RPTOR: variants seen among roughly 807,000 people sequenced by gnomAD.
RPTOR encodes the protein regulatory associated protein of MTOR complex 1, also known as regulatory-associated protein of mTOR.
RPTOR carries 21 observed loss-of-function variants against 169.9 expected under a neutral mutation model. The observed-to-expected ratio is 0.12, with a 90% CI of 0.09 to 0.18. The LOEUF is 0.18. Ranked by LOEUF, RPTOR falls within the 10% of genes least tolerant of loss-of-function variation. The probability of loss-of-function intolerance (pLI) is 1.00; values close to 1 mark genes in which losing one functional copy is unlikely to be tolerated. For synonymous variants in RPTOR, 732 were observed against 753.2 expected (o/e 0.97, Z 0.46); for missense variants, 1,133 against 1,855.9 (o/e 0.61, Z 7.16).
At chr17:80,794,031 A>C (rs1009406721) in intron 7 of RPTOR, among the ~76,000 whole-genome samples, 2 of 152,236 alleles carry the variant, frequency 1.3e-5, no homozygotes, top group Non-Finnish European at 2.9e-5. Context: ...TCCAAAACTT[A>C]AAATGTGCAC....
At position 80,947,354 on chromosome 17, in the gene RPTOR, G is replaced by C; in HGVS notation, c.3265+3G>C. 1 of 1,559,292 alleles carries C rather than the reference G, an allele frequency of 6.4e-7. No individual in the cohort carries two copies. Among genetic ancestry groups the C allele is most frequent in the Non-Finnish European group, 8.7e-7 (1 of 1,155,024 alleles). On this transcript the variant is annotated splice_donor_region_variant and intron_variant, in intron 27 of 33. Coordinates refer to ENST00000306801, the MANE Select transcript of RPTOR (RefSeq NM_020761.3). This position sits in a 1 kb window ranked among gnomAD's most constrained non-coding sequence, Gnocchi z 4.4. ...CTCGCTTCTGCTGACGGCCACAGGT[G>C]AGCGGGGTTTGCACAGCCAGGATTG...
chr17:80,933,913 GT>G (rs751580106), intron 24 of RPTOR, among the ~76,000 whole-genome samples: 15 of 152,216 alleles, frequency 9.9e-5, no homozygotes, highest in Non-Finnish European at 1.9e-4. Context: ...AACCTGAATA[GT>G]TCCTGTCTAT....
At chr17:80,854,634 C>A (rs1358341309) in intron 11 of RPTOR, among the ~76,000 whole-genome samples, 1 of 152,258 alleles carries the variant, frequency 6.6e-6, no homozygotes, top group Non-Finnish European at 1.5e-5. Flanking sequence ...TGGCCCACGC[C>A]TGTAATCCCT....
intron 28 of RPTOR, among the ~76,000 whole-genome samples, chr17:80,950,878 A>G (rs951452491): frequency 1.3e-5 from 2 of 152,196 alleles, no homozygotes; most frequent in African/African-American, 4.8e-5. Flanking sequence ...GCTCAGAGGC[A>G]GTGGTGCCAT....
intron 6 of RPTOR, among the ~76,000 whole-genome samples, chr17:80,766,746 G>A (rs537438992): frequency 5.3e-5 from 8 of 152,058 alleles, no homozygotes; most frequent in Admixed American, 2.0e-4. Flanking sequence ...TTCATGTACC[G>A]GCAATAATTG....
chr17:80,853,221 C>T (rs573117419), intron 11 of RPTOR, among the ~76,000 whole-genome samples: 2 of 152,152 alleles, frequency 1.3e-5, no homozygotes, highest in Admixed American at 6.5e-5. Context: ...TTTCCCTATC[C>T]GGCCCCTCCC....
chr17:80,798,003 C>G (rs1442890405), intron 7 of RPTOR, among the ~76,000 whole-genome samples: 1 of 152,198 alleles, frequency 6.6e-6, no homozygotes. Context: ...TCCAGGCAGC[C>G]AAGACTGAGT....
intron 7 of RPTOR, among the ~76,000 whole-genome samples, chr17:80,800,055 C>A (rs973963576): frequency 1.3e-5 from 2 of 152,182 alleles, no homozygotes; most frequent in Non-Finnish European, 2.9e-5. Context: ...GCAGGTGGCC[C>A]CCTGGCCGAG....
intron 1 of RPTOR, among the ~76,000 whole-genome samples, chr17:80,618,778 A>G (rs1293128988): frequency 1.3e-5 from 2 of 152,258 alleles, no homozygotes; most frequent in African/African-American, 4.8e-5. Context: ...TGAACAAAGG[A>G]ATATAAAAAT....
intron 6 of RPTOR, among the ~76,000 whole-genome samples, chr17:80,789,918 C>T (rs2067030281): frequency 6.6e-6 from 1 of 152,216 alleles, no homozygotes. Context: ...CATTACTGGA[C>T]TCTAGAAATC....
chr17:80,896,038 CT>C (rs1488681545), intron 20 of RPTOR, among the ~76,000 whole-genome samples: 1 of 152,136 alleles, frequency 6.6e-6, no homozygotes, highest in Non-Finnish European at 1.5e-5. Flanking sequence ...TTCTCTTTTT[CT>C]TTATAACTTG....
intron 16 of RPTOR, 79 bp from the exon 17 acceptor site, chr17:80,884,929 C>A: frequency 6.6e-7 from 1 of 1,522,326 alleles, no homozygotes; most frequent in South Asian, 1.3e-5. Flanking sequence ...GATTCACCTG[C>A]ACACACAGCC....
intron 7 of RPTOR, among the ~76,000 whole-genome samples, chr17:80,817,795 G>T (rs1325247009): frequency 6.6e-6 from 1 of 152,178 alleles, no homozygotes; most frequent in African/African-American, 2.4e-5. Context: ...ACAGCCAGGG[G>T]TGTCAGGGAA....
At chr17:80,848,537 G>A (rs1057063626) in intron 11 of RPTOR, among the ~76,000 whole-genome samples, 3 of 152,238 alleles carry the variant, frequency 2.0e-5, no homozygotes, top group Admixed American at 6.5e-5. Flanking sequence ...AGAAGCCCAC[G>A]TTTTCCCTTC....
intron 1 of RPTOR, among the ~76,000 whole-genome samples, chr17:80,560,432 G>A (rs767322825): frequency 3.3e-5 from 5 of 152,212 alleles, no homozygotes; most frequent in African/African-American, 7.2e-5. Flanking sequence ...TAATTCCTGC[G>A]TTGAAGGTGT....
intron 6 of RPTOR, among the ~76,000 whole-genome samples, chr17:80,772,431 GTC>G (rs1204978898): frequency 4.1e-5 from 5 of 123,318 alleles, no homozygotes; most frequent in Admixed American, 3.3e-4. Context: ...GGTTCCCCCT[GTC>G]TCTCCCCCCA....
chr17:80,749,690 A>G (rs1191152879), intron 5 of RPTOR, among the ~76,000 whole-genome samples: 1 of 152,192 alleles, frequency 6.6e-6, no homozygotes, highest in East Asian at 1.9e-4. Context: ...ACTTAACAAA[A>G]AGAAAAGCTT....
chr17:80,833,935 G>GC (rs1251941390), intron 9 of RPTOR, among the ~76,000 whole-genome samples: 10 of 152,262 alleles, frequency 6.6e-5, no homozygotes, highest in Admixed American at 5.9e-4. Flanking sequence ...GTTGCAGTGA[G>GC]CCAAGATCGC....
chr17:80,660,687 C>T (rs1371978764), intron 3 of RPTOR, among the ~76,000 whole-genome samples: 1 of 152,186 alleles, frequency 6.6e-6, no homozygotes, highest in Admixed American at 6.5e-5. Context: ...TGCCTGGCAA[C>T]ACAGGCGGTC....
Sources: gnomAD v4.1 joint callset for allele counts (sites outside exome capture counted in the v4.1 genomes callset) on GRCh38, gnomAD v4.1.1 for gene constraint, Gnocchi (gnomAD v3.1) non-coding constraint, MANE v1.5 for transcripts, NCBI Gene and HGNC (gene_info 2026-07-23, HGNC 2026-07-21) for gene names.